CACNB2: variants seen among roughly 807,000 people sequenced by gnomAD.
CACNB2 encodes calcium voltage-gated channel auxiliary subunit beta 2, also known as voltage-dependent L-type calcium channel subunit beta-2.
CACNB2 carries 42 observed loss-of-function variants against 73.3 expected under a neutral mutation model. The observed-to-expected ratio is 0.57, with a 90% CI of 0.45 to 0.74. The LOEUF (loss-of-function observed/expected upper bound fraction) is 0.74, where lower values mean the gene tolerates loss of function less well. CACNB2 is among the 30% of genes least tolerant of loss of function. The pLI is 0.00. For missense variants in CACNB2, 940 were observed against 853.0 expected, an observed-to-expected ratio of 1.10 and a Z score of -1.27; for synonymous variants, 348 against 310.3, an observed-to-expected ratio of 1.12 and a Z score of -1.28.
chr10:18,531,426 G>C (rs2053019653), intron 10 of CACNB2, among the ~76,000 whole-genome samples: 1 of 152,064 alleles, frequency 6.6e-6, no homozygotes, highest in Non-Finnish European at 1.5e-5. Flanking sequence ...TGGGCCTTTA[G>C]GTTGATTCCA....
chr10:18,227,264 C>T (rs1332105545), intron 2 of CACNB2, among the ~76,000 whole-genome samples: 1 of 151,886 alleles, frequency 6.6e-6, no homozygotes, highest in African/African-American at 2.4e-5. Flanking sequence ...GGAGCAGAAG[C>T]ACAGGCATAG....
At chr10:18,198,114 T>C (rs1361135581) in intron 2 of CACNB2, among the ~76,000 whole-genome samples, 2 of 148,224 alleles carry the variant, frequency 1.3e-5, no homozygotes, top group Non-Finnish European at 3.0e-5. Flanking sequence ...TATATTCATA[T>C]GACATATATG....
At chr10:18,461,562 G>C (rs1039885913) in intron 3 of CACNB2, among the ~76,000 whole-genome samples, 10 of 151,850 alleles carry the variant, frequency 6.6e-5, no homozygotes, top group African/African-American at 2.4e-4. Context: ...TCCACAGGTG[G>C]GGAGGGGGTG....
At chr10:18,301,736 C>T (rs1001640529) in intron 2 of CACNB2, among the ~76,000 whole-genome samples, 3 of 151,894 alleles carry the variant, frequency 2.0e-5, no homozygotes, top group Non-Finnish European at 4.4e-5. Flanking sequence ...GCAACCTCCG[C>T]CTTCTGGGTT....
chr10:18,445,541 AT>A (rs2046690286), intron 3 of CACNB2, among the ~76,000 whole-genome samples: 1 of 152,210 alleles, frequency 6.6e-6, no homozygotes, highest in African/African-American at 2.4e-5. Context: ...GTTATTCATT[AT>A]TCAGGTTACT....
At chr10:18,280,994 C>T (rs1750825775) in intron 2 of CACNB2, among the ~76,000 whole-genome samples, 1 of 152,170 alleles carries the variant, frequency 6.6e-6, no homozygotes, top group South Asian at 2.1e-4. Flanking sequence ...TAGGAAACAG[C>T]TTCAATAAAG....
intron 2 of CACNB2, among the ~76,000 whole-genome samples, chr10:18,271,856 T>C (rs1388905204): frequency 6.6e-6 from 1 of 152,172 alleles, no homozygotes; most frequent in Non-Finnish European, 1.5e-5. Context: ...GGGGTTTTTT[T>C]CTTCCTTGCA....
chr10:18,247,074 A>G (rs898609218), intron 2 of CACNB2, among the ~76,000 whole-genome samples: 1 of 152,160 alleles, frequency 6.6e-6, no homozygotes, highest in Non-Finnish European at 1.5e-5. Flanking sequence ...TCTCTGACCC[A>G]GAGACTGCCA....
intron 2 of CACNB2, among the ~76,000 whole-genome samples, chr10:18,226,520 C>T (rs1016013095): frequency 6.6e-6 from 1 of 152,142 alleles, no homozygotes; most frequent in African/African-American, 2.4e-5. Flanking sequence ...GGTATGACCC[C>T]AGGCTACACA....
intron 2 of CACNB2, among the ~76,000 whole-genome samples, chr10:18,165,609 A>G (rs1305904185): frequency 1.3e-5 from 2 of 152,196 alleles, no homozygotes; most frequent in East Asian, 3.9e-4. Flanking sequence ...ACAGTGTCTC[A>G]CCATGTTGGC....
rs182245088 is a variant in CACNB2 at position 18,227,115 on chromosome 10, A to G, written c.213+76140A>G. 4.6e-3 allele frequency among the ~76,000 whole-genome samples: 694 copies of G among 152,314 alleles called. 2 individuals carry two copies. The highest frequency in any genetic ancestry group is 7.2e-3 in the Non-Finnish European group (491 of 68,036). On this transcript the variant is annotated intron_variant, in intron 2 of 13. Coordinates refer to ENST00000324631, the MANE Select transcript of CACNB2 (RefSeq NM_201596.3). ...ATAAAACAACACGTTTTCTGAAATG[A>G]TAGGAAGAATTTTATGTCGAATATC...
chr10:18,543,535 A>G lies in CACNB2; in HGVS notation c.*3811A>G, dbSNP rs2054147707. The G allele has an allele frequency of 6.6e-6, 1 of 152,196 alleles. No homozygotes were observed. Among genetic ancestry groups the G allele is most frequent in the Non-Finnish European group, 1.5e-5 (1 of 68,042 alleles). The allele number at this position is 152,196 out of a possible 1,614,324, so 9.4% of individuals were successfully genotyped here. ...AGAAATGTTAATATTAAATGTTAAAATATATATTAATTTTCCCTCACATTT... is the reference window on the plus strand; with the variant it reads ...AGAAATGTTAATATTAAATGTTAAAGTATATATTAATTTTCCCTCACATTT... On this transcript the variant is annotated 3_prime_UTR_variant, in exon 14 of 14. Coordinates refer to ENST00000324631, the MANE Select transcript of CACNB2 (RefSeq NM_201596.3).
intron 3 of CACNB2, among the ~76,000 whole-genome samples, chr10:18,403,126 C>T (rs1449950007): frequency 6.6e-6 from 1 of 152,124 alleles, no homozygotes; most frequent in Non-Finnish European, 1.5e-5. Context: ...GTTCTTACCT[C>T]GCCTGGCAGG....
chr10:18,224,817 T>C (rs185504928), intron 2 of CACNB2, among the ~76,000 whole-genome samples: 1 of 152,220 alleles, frequency 6.6e-6, no homozygotes, highest in Non-Finnish European at 1.5e-5. Flanking sequence ...CATCTCCAGA[T>C]TGCAGGAGCA....
At chr10:18,404,901 A>G (rs930979039) in intron 3 of CACNB2, among the ~76,000 whole-genome samples, 1 of 152,348 alleles carries the variant, frequency 6.6e-6, no homozygotes. Context: ...TGAACAGATT[A>G]GATGTTAATT....
chr10:18,532,394 C>T (rs1409117863), intron 10 of CACNB2, among the ~76,000 whole-genome samples: 13 of 151,992 alleles, frequency 8.6e-5, no homozygotes, highest in Non-Finnish European at 1.5e-5. Context: ...CATATTAGGG[C>T]TGGGCGCAGT....
intron 3 of CACNB2, among the ~76,000 whole-genome samples, chr10:18,484,528 C>T (rs953810119): frequency 6.6e-6 from 1 of 152,158 alleles, no homozygotes; most frequent in African/African-American, 2.4e-5. Context: ...TTACAGGCAG[C>T]AGCTACACAA....
intron 2 of CACNB2, among the ~76,000 whole-genome samples, chr10:18,292,439 C>T (rs752317799): frequency 9.2e-5 from 14 of 152,114 alleles, no homozygotes; most frequent in Non-Finnish European, 1.8e-4. Flanking sequence ...GGGCAGATCA[C>T]GAGGTCAAGA....
At chr10:18,538,884 T>TAGTTA (rs1388399785) in intron 13 of CACNB2, among the ~76,000 whole-genome samples, 4 of 151,832 alleles carry the variant, frequency 2.6e-5, no homozygotes, top group African/African-American at 7.3e-5. Flanking sequence ...CAAGCAGAGG[T>TAGTTA]AGTTAAGTTT....
Sources: gnomAD v4.1 joint callset for allele counts (sites outside exome capture counted in the v4.1 genomes callset) on GRCh38, gnomAD v4.1.1 for gene constraint, MANE v1.5 for transcripts, NCBI Gene and HGNC (gene_info 2026-07-23, HGNC 2026-07-21) for gene names.